The following CDH18 variants were observed in gnomAD, a reference collection of about 807,000 sequenced individuals.
The protein encoded by CDH18 is cadherin 18.
A neutral mutation model predicts 67.9 loss-of-function variants in CDH18; 31 were observed. That is an observed-to-expected ratio of 0.46 (90% CI 0.34 to 0.62). The LOEUF is 0.62. CDH18 is among the 20% of genes least tolerant of loss of function. The pLI is 0.01. For synonymous variants in CDH18, 362 were observed against 347.2 expected, an observed-to-expected ratio of 1.04 and a Z score of -0.48; for missense variants, 890 against 975.5, an observed-to-expected ratio of 0.91 and a Z score of 1.17.
At chr5:20,164,346 G>T (rs184848980) in intron 2 of CDH18, among the ~76,000 whole-genome samples, 85 of 152,220 alleles carry the variant, frequency 5.6e-4, no homozygotes, top group Non-Finnish European at 1.1e-3. Flanking sequence ...TAGTGCAGTG[G>T]TGTGATATTG....
chr5:19,788,367 C>T (rs2149805218), intron 3 of CDH18, among the ~76,000 whole-genome samples: 1 of 152,176 alleles, frequency 6.6e-6, no homozygotes, highest in African/African-American at 2.4e-5. Flanking sequence ...TCATTAGTTT[C>T]CACATGATAA....
intron 2 of CDH18, among the ~76,000 whole-genome samples, chr5:19,844,269 T>A (rs1231909601): frequency 6.6e-6 from 1 of 152,154 alleles, no homozygotes; most frequent in Non-Finnish European, 1.5e-5. Context: ...CGAATTGCTA[T>A]CCCCATTTTG....
At chr5:19,743,560 G>A (rs1159409953) in intron 4 of CDH18, among the ~76,000 whole-genome samples, 1 of 152,074 alleles carries the variant, frequency 6.6e-6, no homozygotes, top group East Asian at 1.9e-4. Flanking sequence ...CAGAGAGCAG[G>A]ACAGATTTGT....
At chr5:20,357,061 AG>A (rs142242943) in intron 1 of CDH18, among the ~76,000 whole-genome samples, 361 of 151,918 alleles carry the variant, frequency 2.4e-3, no homozygotes, top group African/African-American at 8.3e-3. Context: ...AAGTAGTGTT[AG>A]TGTAACATGT....
At chr5:20,087,270 A>G (rs2150553381) in intron 2 of CDH18, among the ~76,000 whole-genome samples, 1 of 152,282 alleles carries the variant, frequency 6.6e-6, no homozygotes, top group East Asian at 1.9e-4. Context: ...GGAAAAACAA[A>G]GAAATTGGTT....
intron 5 of CDH18, among the ~76,000 whole-genome samples, chr5:19,660,811 C>A (rs1476974067): frequency 3.3e-5 from 5 of 151,910 alleles, no homozygotes; most frequent in African/African-American, 1.2e-4. Flanking sequence ...ACATAGCTAG[C>A]ACTTTGATTT....
chr5:20,093,134 C>T lies in CDH18; in HGVS notation c.-517-101120G>A, dbSNP rs180825172. 2.3e-3 allele frequency among the ~76,000 whole-genome samples: 349 copies of T among 152,052 alleles called. 1 individual carries two copies. The highest frequency in any genetic ancestry group is 3.8e-3 in the Non-Finnish European group (258 of 67,988). On this transcript the variant is annotated intron_variant, in intron 2 of 14. Transcript: ENST00000507958. ...CACCTGCATTCCCAACAACTTGGGA[C>T]GGTGAGGTGGGAGGAAGCTTGACCC...
At chr5:19,571,854 T>C in intron 7 of CDH18, 22 bp from the exon 8 acceptor site, 1 of 1,569,350 alleles carries the variant, frequency 6.4e-7, no homozygotes, top group South Asian at 1.2e-5. Context: ...AAAAATAAGA[T>C]TATGACTTTT....
chr5:19,603,888 CT>C (rs1402574209), intron 6 of CDH18, among the ~76,000 whole-genome samples: 1 of 150,536 alleles, frequency 6.6e-6, no homozygotes, highest in Non-Finnish European at 1.5e-5. Flanking sequence ...ATTTTTTTTA[CT>C]TTTTAATTTC....
chr5:20,108,474 G>A (rs559742221), intron 2 of CDH18, among the ~76,000 whole-genome samples: 2 of 152,154 alleles, frequency 1.3e-5, no homozygotes, highest in African/African-American at 4.8e-5. Flanking sequence ...TGAATTTCAG[G>A]TAGACGCAAT....
chr5:19,484,236 T>C (rs1739987169), intron 11 of CDH18, among the ~76,000 whole-genome samples: 1 of 152,238 alleles, frequency 6.6e-6, no homozygotes, highest in Non-Finnish European at 1.5e-5. Context: ...GACAGGATGC[T>C]AAATTCTTTA....
intron 2 of CDH18, among the ~76,000 whole-genome samples, chr5:20,201,488 G>T (rs1167590733): frequency 6.6e-6 from 1 of 151,482 alleles, no homozygotes. Flanking sequence ...AATGTGGAGA[G>T]TGAAGTGTTT....
intron 6 of CDH18, among the ~76,000 whole-genome samples, chr5:19,594,094 A>C (rs969296834): frequency 3.3e-5 from 5 of 152,100 alleles, no homozygotes; most frequent in Admixed American, 2.0e-4. Context: ...ATATACAAAA[A>C]GAAGCCATTT....
At chr5:19,777,904 G>T (rs946463115) in intron 3 of CDH18, among the ~76,000 whole-genome samples, 7 of 152,056 alleles carry the variant, frequency 4.6e-5, no homozygotes, top group Non-Finnish European at 8.8e-5. Flanking sequence ...TGGGAGAGAA[G>T]AAAGATCATT....
intron 5 of CDH18, 97 bp from the exon 6 acceptor site, chr5:19,612,698 A>C: frequency 1.1e-6 from 1 of 946,822 alleles, no homozygotes; most frequent in Non-Finnish European, 1.6e-6. Flanking sequence ...CTTTTAAAAT[A>C]GCATATTTTT....
chr5:19,735,458 G>C (rs905836309), intron 4 of CDH18, among the ~76,000 whole-genome samples: 4 of 148,702 alleles, frequency 2.7e-5, no homozygotes, highest in African/African-American at 5.0e-5. Flanking sequence ...ATGCAGTGGC[G>C]TGATCTCGGC....
chr5:19,868,605 T>C (rs550027098), intron 2 of CDH18, among the ~76,000 whole-genome samples: 126 of 152,284 alleles, frequency 8.3e-4, no homozygotes, highest in Non-Finnish European at 1.6e-3. Context: ...ATCAAATGAG[T>C]TGAGACCACC....
intron 11 of CDH18, among the ~76,000 whole-genome samples, chr5:19,486,941 C>G (rs1486109424): frequency 6.6e-6 from 1 of 152,182 alleles, no homozygotes; most frequent in Non-Finnish European, 1.5e-5. Context: ...CAATGTCAAT[C>G]TCTAATAATG....
intron 1 of CDH18, among the ~76,000 whole-genome samples, chr5:20,385,388 C>T (rs1744233103): frequency 6.6e-6 from 1 of 152,070 alleles, no homozygotes; most frequent in African/African-American, 2.4e-5. Flanking sequence ...GCTCCAGTCC[C>T]CATCCCTCAC....
Sources: gnomAD v4.1 joint callset for allele counts (sites outside exome capture counted in the v4.1 genomes callset) on GRCh38, gnomAD v4.1.1 for gene constraint, MANE v1.5 for transcripts, NCBI Gene and HGNC (gene_info 2026-07-23, HGNC 2026-07-21) for gene names.